Variants in TRAT1 observed in about 807,000 individuals in gnomAD.
TRAT1 encodes the protein T cell receptor associated transmembrane adaptor 1, also known as T-cell receptor-associated transmembrane adapter 1.
A neutral mutation model predicts 20.0 loss-of-function variants in TRAT1; 20 were observed. The ratio of observed to expected loss-of-function variants is 1.00; its 90% CI spans 0.70 to 1.45. TRAT1 has a LOEUF of 1.45. Among genes scored for constraint, TRAT1 ranks in the 40% most tolerant of loss-of-function variants. The probability of loss-of-function intolerance (pLI) is 0.00; values close to 1 mark genes in which losing one functional copy is unlikely to be tolerated. For synonymous variants in TRAT1, 77 were observed against 74.2 expected (o/e 1.04, Z -0.20); for missense variants, 237 against 224.1 (o/e 1.06, Z -0.37).
chr3:108,830,073 A>T (rs1385923019), intron 1 of TRAT1, among the ~76,000 whole-genome samples: 5 of 152,138 alleles, frequency 3.3e-5, no homozygotes, highest in African/African-American at 1.2e-4. Context: ...AATACTGATT[A>T]TCCTGACCCT....
intron 4 of TRAT1, among the ~76,000 whole-genome samples, chr3:108,848,952 TCTTA>T (rs1945971723): frequency 6.6e-6 from 1 of 152,196 alleles, no homozygotes; most frequent in Non-Finnish European, 1.5e-5. Context: ...TTTATTTTTA[TCTTA>T]CTAACCCTTT....
chr3:108,823,131 G>A (rs1019464785), intron 1 of TRAT1, among the ~76,000 whole-genome samples, 197 bp downstream of exon 1: 1 of 152,112 alleles, frequency 6.6e-6, no homozygotes, highest in South Asian at 2.1e-4. Flanking sequence ...AGAAAAATGT[G>A]GACAGCATTT....
At position 108,844,499 on chromosome 3, in the gene TRAT1, G is replaced by T. The variant is rs2953351; in HGVS notation, c.153-2569G>T. 7.0e-3 allele frequency among the ~76,000 whole-genome samples: 1,018 copies of T among 145,572 alleles called. 18 individuals are homozygous for T. Among genetic ancestry groups the T allele is most frequent in the African/African-American group, 0.027 (970 of 36,226 alleles). ...TACTTGAGGAATTTTTTAAATAAAA[G>T]ACCTAATAAATAATAAATATAAATA... is the stretch of plus-strand genomic sequence containing the variant. On this transcript the variant is annotated intron_variant, in intron 3 of 5. Coordinates refer to ENST00000295756, the MANE Select transcript of TRAT1 (RefSeq NM_016388.4).
At chr3:108,846,968 T>C (rs2593831) in intron 3 of TRAT1, 100 bp from the exon 4 acceptor site, 766,733 of 829,062 alleles carry the variant, frequency 0.92, 355,052 homozygotes, top group East Asian at 1. Context: ...TAACCAAGAA[T>C]AGGCAATAGT....
At chr3:108,837,118 T>C (rs1167283555) in intron 2 of TRAT1, among the ~76,000 whole-genome samples, 1 of 152,242 alleles carries the variant, frequency 6.6e-6, no homozygotes, top group Non-Finnish European at 1.5e-5. Flanking sequence ...AACTTGTGGC[T>C]ACTATGCAAT....
chr3:108,830,729 G>C lies in TRAT1; in HGVS notation c.67G>C (p.Val23Leu). The C allele has an allele frequency of 1.2e-6, 2 of 1,613,878 alleles. No individual in the cohort carries two copies. The highest frequency in any genetic ancestry group is 2.2e-5 in the South Asian group (2 of 91,064). The change falls in exon 2 of 6, where the codon GTT becomes CTT. Residue 23 changes from valine (V) to leucine (L), a missense_variant. Val to Leu is a conservative substitution (Grantham distance 32, BLOSUM62 1). Coordinates refer to ENST00000295756, the MANE Select transcript of TRAT1 (RefSeq NM_016388.4). ...TCTAGCATTGTTGGGCTTGGCTTTG[G>C]TTATATCACTGATCTTCAATATTTC... ...GLLALLGLALVISLIFNISHY... is the reference protein window; with the variant it reads ...GLLALLGLALLISLIFNISHY...
Position 108,838,962 on chromosome 3 carries a change from C to T in TRAT1, c.147C>T (p.His49=), listed in dbSNP as rs150919761. The part of the protein sequence containing the change: ...QDKMYSYSSD[H]TRVDEYYIED... ...AAATGTACAGCTACTCCAGTGACCA[C>T]ACCAGGTATGTTGTGATTCAGTCAT... Residue 49 remains histidine, a synonymous_variant, in exon 3 of 6, where the codon CAC becomes CAT. Transcript: ENST00000295756. The T allele has an allele frequency of 3.1e-6, 5 of 1,606,806 alleles. No individual in the cohort carries two copies. In the East Asian group the frequency reaches 8.9e-5, roughly 29 times the overall value.
intron 2 of TRAT1, among the ~76,000 whole-genome samples, chr3:108,836,975 A>G (rs934192236): frequency 6.6e-6 from 1 of 152,226 alleles, no homozygotes; most frequent in Non-Finnish European, 1.5e-5. Context: ...TTTTCTTCAC[A>G]TAGAAGGAAA....
intron 2 of TRAT1, among the ~76,000 whole-genome samples, chr3:108,833,868 C>G (rs1195753245): frequency 1.3e-5 from 2 of 151,760 alleles, no homozygotes; most frequent in African/African-American, 4.8e-5. Context: ...TAGGTCAGTC[C>G]TAGATCTGGT....
intron 1 of TRAT1, among the ~76,000 whole-genome samples, chr3:108,826,314 C>A (rs1305552298): frequency 6.6e-6 from 1 of 151,984 alleles, no homozygotes; most frequent in African/African-American, 2.4e-5. Context: ...TTTCTCTTTC[C>A]CCATCACAGC....
intron 2 of TRAT1, among the ~76,000 whole-genome samples, chr3:108,833,984 T>A (rs568621046): frequency 3.9e-5 from 6 of 152,294 alleles, no homozygotes; most frequent in Admixed American, 2.6e-4. Context: ...AATTTTCACA[T>A]CTGTTATTTT....
At chr3:108,852,417 AC>A (rs1946006292) in intron 5 of TRAT1, among the ~76,000 whole-genome samples, 1 of 152,114 alleles carries the variant, frequency 6.6e-6, no homozygotes, top group African/African-American at 2.4e-5. Flanking sequence ...ACACACACAC[AC>A]ACACAGCAGA....
chr3:108,835,822 CT>C (rs905551994), intron 2 of TRAT1, among the ~76,000 whole-genome samples: 87 of 151,890 alleles, frequency 5.7e-4, no homozygotes, highest in African/African-American at 1.9e-3. Flanking sequence ...CAGTTTTTGT[CT>C]TTTTTTTCTT....
At chr3:108,853,558 A>G (rs1164979999) in intron 5 of TRAT1, 62 bp from the exon 6 acceptor site, 2 of 1,546,498 alleles carry the variant, frequency 1.3e-6, no homozygotes, top group African/African-American at 1.4e-5. Flanking sequence ...CGCCACAGAA[A>G]TTTCCAGAAG....
chr3:108,830,350 T>G (rs957333985), intron 1 of TRAT1, among the ~76,000 whole-genome samples: 9 of 152,240 alleles, frequency 5.9e-5, no homozygotes, highest in Non-Finnish European at 1.2e-4. Context: ...CTTGGTAATT[T>G]GAATGTTGTT....
intron 4 of TRAT1, among the ~76,000 whole-genome samples, chr3:108,848,629 G>C (rs573219049): frequency 7.9e-5 from 12 of 152,276 alleles, no homozygotes; most frequent in Admixed American, 7.2e-4. Context: ...TAGGCAGTCT[G>C]GCTGAGATGT....
At chr3:108,823,598 AT>A (rs1318298885) in intron 1 of TRAT1, among the ~76,000 whole-genome samples, 3 of 152,234 alleles carry the variant, frequency 2.0e-5, no homozygotes, top group Non-Finnish European at 4.4e-5. Context: ...TGAAATATAT[AT>A]ATTAAAAATT....
At chr3:108,850,790 A>G (rs891404014) in intron 5 of TRAT1, among the ~76,000 whole-genome samples, 1 of 152,242 alleles carries the variant, frequency 6.6e-6, no homozygotes, top group African/African-American at 2.4e-5. Flanking sequence ...GAAGGTTAAA[A>G]TACATTATCT....
At position 108,854,636 on chromosome 3, in the gene TRAT1, C is replaced by T. The variant is rs938279708; in HGVS notation, c.*759C>T. ...AATGTGGTTTCTTTTGTACACATTACTTAAACTTTCTTTCCAGTCAACAAT... is the reference window on the plus strand; with the variant it reads ...AATGTGGTTTCTTTTGTACACATTATTTAAACTTTCTTTCCAGTCAACAAT... On this transcript the variant is annotated 3_prime_UTR_variant, in exon 6 of 6. Coordinates refer to ENST00000295756, the MANE Select transcript of TRAT1 (RefSeq NM_016388.4). 4 of 152,062 alleles carry T rather than the reference C, an allele frequency of 2.6e-5. No individual in the cohort carries two copies. The highest frequency in any genetic ancestry group is 2.9e-5 in the Non-Finnish European group (2 of 67,974). The allele number at this position is 152,062 out of a possible 1,614,324, so 9.4% of individuals were successfully genotyped here.
Sources: gnomAD v4.1 joint callset for allele counts (sites outside exome capture counted in the v4.1 genomes callset) on GRCh38, gnomAD v4.1.1 for gene constraint, MANE v1.5 for transcripts, NCBI Gene and HGNC (gene_info 2026-07-23, HGNC 2026-07-21) for gene names.